NDUFS2: variants seen among roughly 807,000 people sequenced by gnomAD.
NDUFS2 encodes the protein NADH dehydrogenase [ubiquinone] iron-sulfur protein 2, mitochondrial.
NDUFS2 carries 38 observed loss-of-function variants against 69.6 expected under a neutral mutation model. The ratio of observed to expected loss-of-function variants is 0.55; its 90% CI spans 0.42 to 0.72. The LOEUF (loss-of-function observed/expected upper bound fraction) is 0.72. Among genes scored for constraint, NDUFS2 ranks in the 30% least tolerant of loss-of-function variants. NDUFS2 has a pLI of 0.00. For synonymous variants in NDUFS2, 194 were observed against 211.2 expected (o/e 0.92, Z 0.70); for missense variants, 468 against 595.0 (o/e 0.79, Z 2.22).
In NDUFS2 at chr1:161,202,455, G is replaced by C. The variant is rs772424969; in HGVS notation, c.70G>C (p.Val24Leu). ...CCAGGTGCTGCGGCCTGGGGCTGGA[G>C]TCCGATTGCCGATTCAGCCCAGCAG... Reference protein sequence around the residue: ...AAQVLRPGAGVRLPIQPSRGV... With the variant: ...AAQVLRPGAGLRLPIQPSRGV... The change falls in exon 1 of 14, where the codon GTC becomes CTC. Residue 24 changes from valine (V) to leucine (L), a missense_variant. This residue lies in a region of NDUFS2 where 57 missense variants were observed against 42.3 expected (regional missense o/e 1.35). Coordinates refer to ENST00000676972, the MANE Select transcript of NDUFS2 (RefSeq NM_001377299.1). 19 of 1,612,018 alleles carry C rather than the reference G, an allele frequency of 1.2e-5. No homozygotes were observed. Among genetic ancestry groups the C allele is most frequent in the South Asian group, 5.5e-5 (5 of 90,482 alleles).
upstream of NDUFS2, chr1:161,202,321 A>G (rs1665173331): frequency 6.6e-7 from 1 of 1,518,292 alleles, no homozygotes; most frequent in East Asian, 2.4e-5. Context: ...TGAGAAGCCA[A>G]GAAGGAGGCG....
At chr1:161,211,728 G>GT (rs964918976) in intron 9 of NDUFS2, among the ~76,000 whole-genome samples, 14 of 120,170 alleles carry the variant, frequency 1.2e-4, no homozygotes, top group South Asian at 2.9e-4. Flanking sequence ...ACTGTGTATT[G>GT]TTTTTTTTAT....
chr1:161,203,022 A>G (rs1410787985), intron 1 of NDUFS2, among the ~76,000 whole-genome samples: 1 of 152,052 alleles, frequency 6.6e-6, no homozygotes, highest in Non-Finnish European at 1.5e-5. Flanking sequence ...AATCCAGGAC[A>G]TTGGCTGGGC....
Position 161,214,345 on chromosome 1 carries a change from A to C in NDUFS2, c.*152A>C, listed in dbSNP as rs2102060030. The C allele has an allele frequency of 1.3e-6, 1 of 775,290 alleles. No individual in the cohort carries two copies. Among genetic ancestry groups the C allele is most frequent in the Non-Finnish European group, 2.2e-6 (1 of 459,936 alleles). 48.0% of individuals were successfully genotyped at this position (775,290 alleles called of 1,614,324 possible). ...TGTCAGGCTTTCTGTGCATGTACTA[A>C]AAAAGGAGAAATTATAATAAATTAG... On this transcript the variant is annotated 3_prime_UTR_variant, in exon 14 of 14. Transcript: ENST00000676972.
At chr1:161,198,427 G>T, upstream of NDUFS2, 1 of 1,594,744 alleles carries the variant, frequency 6.3e-7, no homozygotes, top group East Asian at 2.3e-5. The surrounding 1 kb of genome is among the most constrained non-coding windows in gnomAD (Gnocchi z 4.7). Context: ...CGCTGCCGTT[G>T]AGCTTCTCTG....
intron 2 of NDUFS2, among the ~76,000 whole-genome samples, chr1:161,204,912 G>T (rs771544240): frequency 6.6e-6 from 1 of 152,086 alleles, no homozygotes; most frequent in African/African-American, 2.4e-5. Flanking sequence ...TTAGCCAGGC[G>T]TGGTGGCACG....
upstream of NDUFS2, among the ~76,000 whole-genome samples, chr1:161,201,261 C>T (rs1665104893): frequency 6.6e-6 from 1 of 152,242 alleles, no homozygotes; most frequent in African/African-American, 2.4e-5. Context: ...CTGGCTTTCC[C>T]CTCTTTCTCT....
At chr1:161,212,264 C>T (rs1391053467) in intron 9 of NDUFS2, 87 bp from the exon 10 acceptor site, 1 of 1,565,496 alleles carries the variant, frequency 6.4e-7, no homozygotes, top group Non-Finnish European at 8.8e-7. Flanking sequence ...TGACCTAACC[C>T]TTTTGAGGTT....
At chr1:161,206,344 G>C in intron 2 of NDUFS2, 63 bp from the exon 3 acceptor site, 1 of 1,552,746 alleles carries the variant, frequency 6.4e-7, no homozygotes, top group Non-Finnish European at 8.9e-7. Context: ...CTAACTCCTT[G>C]CTATCTTTTG....
In NDUFS2 at chr1:161,214,384, C is replaced by A. The variant is rs1262218814; in HGVS notation, c.*191C>A. The A allele has an allele frequency of 1.6e-6, 1 of 642,300 alleles. No individual in the cohort carries two copies. The highest frequency in any genetic ancestry group is 2.7e-6 in the Non-Finnish European group (1 of 364,928). 39.8% of individuals were successfully genotyped at this position (642,300 alleles called of 1,614,324 possible). The stretch of plus-strand genomic sequence containing the variant: ...ATAATAAATTAGCCGTCTTGCGGCC[C>A]CTAGGCCTAAACTTCTGGTATCTTA... On this transcript the variant is annotated 3_prime_UTR_variant, in exon 14 of 14. Transcript: ENST00000676972.
rs10629771 is a variant in NDUFS2, at chr1:161,214,269, C to CTGTGTGTGTGTG, written c.*96_*107dup. Reference sequence around the variant, plus strand: ...CCTGTTCCTCACTGGAAATTGGCCTCTGTGTGTGTGTGTGTGTGTGTGTGT... The same window carrying CTGTGTGTGTGTG: ...CCTGTTCCTCACTGGAAATTGGCCTCTGTGTGTGTGTGTGTGTGTGTGTGTGTGTGTGTGTGT... On this transcript the variant is annotated 3_prime_UTR_variant, in exon 14 of 14. Coordinates refer to ENST00000676972, the MANE Select transcript of NDUFS2 (RefSeq NM_001377299.1). 5.6e-3 allele frequency: 4,975 copies of CTGTGTGTGTGTG among 895,584 alleles called. 9 individuals are homozygous for CTGTGTGTGTGTG. The highest frequency in any genetic ancestry group is 0.011 in the African/African-American group (661 of 59,204). 55.5% of individuals were successfully genotyped at this position (895,584 alleles called of 1,614,324 possible). A position where few individuals can be genotyped will look rare whatever the true frequency, so the allele number is the denominator to read the frequency against.
chr1:161,209,803 A>T, intron 5 of NDUFS2, 54 bp from the exon 6 acceptor site: 1 of 1,586,452 alleles, frequency 6.3e-7, no homozygotes, highest in South Asian at 1.1e-5. Flanking sequence ...GTAGGCCATC[A>T]TAGGACCTGG....
At position 161,210,655 on chromosome 1, in the gene NDUFS2, T is replaced by TACGACCAGGTTGAGTTTGATGTTC. The variant is rs1406291337; in HGVS notation, c.932_955dup (p.Val318_Pro319insHisAspGlnValGluPheAspVal). The TACGACCAGGTTGAGTTTGATGTTC allele has an allele frequency of 6.2e-7, 1 of 1,614,120 alleles. No individual in the cohort carries two copies. Among genetic ancestry groups the TACGACCAGGTTGAGTTTGATGTTC allele is most frequent in the Non-Finnish European group, 8.5e-7 (1 of 1,180,022 alleles). On this transcript the variant is annotated inframe_insertion, in exon 9 of 14. Transcript: ENST00000676972. ...GCGGAAGACCCAGCCCTATGATGTT[T>TACGACCAGGTTGAGTTTGATGTTC]ACGACCAGGTTGAGTTTGATGTTCC...
intron 6 of NDUFS2, 79 bp downstream of exon 6, chr1:161,210,010 A>G (rs1665686567): frequency 6.3e-7 from 1 of 1,597,962 alleles, no homozygotes; most frequent in East Asian, 2.2e-5. Context: ...GTGCTGGATG[A>G]TGGAAACTCC....
chr1:161,211,797 T>G (rs1194340787), intron 9 of NDUFS2, among the ~76,000 whole-genome samples: 3 of 152,190 alleles, frequency 2.0e-5, no homozygotes. Flanking sequence ...GTTTGTCCAT[T>G]TGACTCTCAC....
In NDUFS2 at chr1:161,209,887, G is replaced by A. The variant is rs1665675425; in HGVS notation, c.658G>A (p.Ala220Thr). 1 of 1,613,942 alleles carries A rather than the reference G, an allele frequency of 6.2e-7. No individual in the cohort carries two copies. Among genetic ancestry groups the A allele is most frequent in the South Asian group, 1.1e-5 (1 of 91,084 alleles). ...TGAGTTCTACGAGCGAGTGTCTGGA[G>A]CCCGAATGCATGCTGCTTATATCCG... ...MFEFYERVSG[A>T]RMHAAYIRPG... The change falls in exon 6 of 14, where the codon GCC (alanine) becomes ACC (threonine). Residue 220 changes from alanine to threonine, a missense_variant. Ala to Thr is a moderately conservative substitution (Grantham distance 58, BLOSUM62 0). Coordinates refer to ENST00000676972, the MANE Select transcript of NDUFS2 (RefSeq NM_001377299.1).
rs777118438 is a variant in NDUFS2 at position 161,209,332 on chromosome 1, T to A, written c.514+19T>A. On this transcript the variant is annotated intron_variant, in intron 4 of 13. Transcript: ENST00000676972. ...ATCCGAGGTATGTCCCCCCAACTTTTTCTGTGGCCCACTGTGAGCATAGCA... is the reference window on the plus strand; with the variant it reads ...ATCCGAGGTATGTCCCCCCAACTTTATCTGTGGCCCACTGTGAGCATAGCA... 1.2e-6 allele frequency: 2 copies of A among 1,614,124 alleles called. No individual in the cohort carries two copies. Among genetic ancestry groups the A allele is most frequent in the Non-Finnish European group, 1.7e-6 (2 of 1,180,028 alleles).
chr1:161,210,426 G>T (rs1665708172), intron 8 of NDUFS2, 37 bp downstream of exon 8: 2 of 1,603,004 alleles, frequency 1.2e-6, no homozygotes, highest in Admixed American at 1.7e-5. Context: ...AGGAGTGGGG[G>T]TGGGAGTGGG....
rs12038257 is a variant in NDUFS2 at position 161,205,376 on chromosome 1, T to C, written c.203-1031T>C. Among the ~76,000 whole-genome samples the C allele has an allele frequency of 1.9e-4, 29 of 152,308 alleles. No individual in the cohort carries two copies. The East Asian group carries it at 5.4e-3, about 28-fold the overall frequency. On this transcript the variant is annotated intron_variant, in intron 2 of 13. Transcript: ENST00000676972. ...AATAAGAGTTCCATGGATGTTTACT[T>C]CCTTGTTTCTAAGATTTGGCCCATG...
Sources: gnomAD v4.1 joint callset for allele counts (sites outside exome capture counted in the v4.1 genomes callset) on GRCh38, gnomAD v4.1.1 for gene constraint, gnomAD v4.1.1 regional missense constraint, Gnocchi (gnomAD v3.1) non-coding constraint, MANE v1.5 for transcripts, NCBI Gene and HGNC (gene_info 2026-07-23, HGNC 2026-07-21) for gene names.